The following MCTP1 variants were observed in gnomAD, a reference collection of about 807,000 sequenced individuals.
MCTP1 encodes the protein multiple C2 and transmembrane domain containing 1.
In MCTP1, 69 loss-of-function variants were observed where a neutral mutation model predicts 120.6. The observed-to-expected ratio is 0.57, with a 90% CI of 0.47 to 0.70. The LOEUF (loss-of-function observed/expected upper bound fraction) is 0.70. Among genes scored for constraint, MCTP1 ranks in the 30% least tolerant of loss-of-function variants. The pLI is 0.00. For synonymous variants in MCTP1, 529 were observed against 493.1 expected (o/e 1.07, Z -0.96); for missense variants, 1,203 against 1,248.8 (o/e 0.96, Z 0.55).
chr5:95,215,191 GC>G (rs1752902295), intron 1 of MCTP1, among the ~76,000 whole-genome samples: 1 of 152,044 alleles, frequency 6.6e-6, no homozygotes. Flanking sequence ...CCAAGCAATA[GC>G]TAAACCTCAA....
At chr5:94,993,315 T>C (rs983115152) in intron 2 of MCTP1, among the ~76,000 whole-genome samples, 1 of 151,882 alleles carries the variant, frequency 6.6e-6, no homozygotes, top group Non-Finnish European at 1.5e-5. Flanking sequence ...CTTCAGGTCA[T>C]AATTACGGAG....
At chr5:95,170,169 G>A (rs565759926) in intron 1 of MCTP1, among the ~76,000 whole-genome samples, 1 of 152,188 alleles carries the variant, frequency 6.6e-6, no homozygotes, top group South Asian at 2.1e-4. Flanking sequence ...TCGTTATGTA[G>A]CCAGTAGTCA....
chr5:94,786,962 A>G (rs981286854), intron 18 of MCTP1, among the ~76,000 whole-genome samples: 2 of 152,222 alleles, frequency 1.3e-5, no homozygotes, highest in African/African-American at 4.8e-5. Flanking sequence ...GATTAAGTTG[A>G]CATTTTCATG....
chr5:95,081,242 G>A (rs1370241581), intron 1 of MCTP1, among the ~76,000 whole-genome samples: 1 of 152,066 alleles, frequency 6.6e-6, no homozygotes, highest in African/African-American at 2.4e-5. Context: ...GAATATCAAT[G>A]TATTACACTA....
intron 17 of MCTP1, among the ~76,000 whole-genome samples, chr5:94,866,926 C>G (rs1175918542): frequency 6.6e-6 from 1 of 151,796 alleles, no homozygotes; most frequent in African/African-American, 2.4e-5. Context: ...CATTTCTGGT[C>G]TTTTCAAATT....
chr5:95,246,834 A>T (rs1361418692), intron 1 of MCTP1, among the ~76,000 whole-genome samples: 2 of 152,150 alleles, frequency 1.3e-5, no homozygotes, highest in Non-Finnish European at 2.9e-5. Context: ...TTCATCAGGG[A>T]TATTGGCCTA....
chr5:95,237,560 G>A (rs1755690432), intron 1 of MCTP1, among the ~76,000 whole-genome samples: 5 of 152,060 alleles, frequency 3.3e-5, no homozygotes, highest in Admixed American at 2.0e-4. Context: ...TAGAAGTTAT[G>A]GCTGCTCTTT....
intron 10 of MCTP1, among the ~76,000 whole-genome samples, chr5:94,908,964 TATCTTATATCAG>T (rs1483760265): frequency 6.6e-6 from 1 of 152,080 alleles, no homozygotes; most frequent in African/African-American, 2.4e-5. Context: ...TTCCTTTATG[TATCTTATATCAG>T]ATGAAATTCC....
chr5:95,048,648 G>GT (rs1226143919), intron 1 of MCTP1, among the ~76,000 whole-genome samples: 3 of 152,206 alleles, frequency 2.0e-5, no homozygotes, highest in African/African-American at 7.2e-5. Context: ...TTGCTGGTCT[G>GT]TAGACTTGAA....
At chr5:94,766,938 C>T (rs1253024344) in intron 19 of MCTP1, among the ~76,000 whole-genome samples, 1 of 152,072 alleles carries the variant, frequency 6.6e-6, no homozygotes. Flanking sequence ...TATGAGGCCA[C>T]CATTACCCAG....
At chr5:94,826,132 A>C (rs1787013938) in intron 17 of MCTP1, 1 of 346,942 alleles carries the variant, frequency 2.9e-6, no homozygotes, top group Non-Finnish European at 5.6e-6. Flanking sequence ...CATGAATCAG[A>C]TCCTCCATGC....
At chr5:94,777,986 A>G (rs1331883471) in intron 19 of MCTP1, among the ~76,000 whole-genome samples, 1 of 151,306 alleles carries the variant, frequency 6.6e-6, no homozygotes, top group African/African-American at 2.4e-5. Context: ...ATTGATTAGG[A>G]AAAAAATCAT....
At chr5:94,964,935 T>G (rs2153564349) in intron 2 of MCTP1, among the ~76,000 whole-genome samples, 1 of 152,288 alleles carries the variant, frequency 6.6e-6, no homozygotes, top group Admixed American at 6.5e-5. Context: ...TTTTAATAAT[T>G]TTGTCTTTGA....
chr5:94,771,711 G>T (rs1774121404), intron 19 of MCTP1, among the ~76,000 whole-genome samples: 1 of 152,148 alleles, frequency 6.6e-6, no homozygotes, highest in South Asian at 2.1e-4. Context: ...CTCAGATCTA[G>T]TGCTTTAAAA....
intron 1 of MCTP1, among the ~76,000 whole-genome samples, chr5:95,034,769 C>T (rs1384116899): frequency 6.6e-6 from 1 of 152,006 alleles, no homozygotes; most frequent in Non-Finnish European, 1.5e-5. Context: ...AAACAGTCAA[C>T]AGAGTAGACA....
At chr5:94,869,562 C>G (rs1044278835) in intron 16 of MCTP1, among the ~76,000 whole-genome samples, 2 of 152,042 alleles carry the variant, frequency 1.3e-5, no homozygotes, top group Non-Finnish European at 2.9e-5. Context: ...AACTCACACA[C>G]TTCCTTTAAA....
intron 19 of MCTP1, among the ~76,000 whole-genome samples, chr5:94,743,773 G>C (rs895482364): frequency 6.6e-6 from 1 of 151,666 alleles, no homozygotes; most frequent in Non-Finnish European, 1.5e-5. Context: ...GAGTAGCTGG[G>C]ACTACAGGCA....
At chr5:94,992,153 G>T (rs904833672) in intron 2 of MCTP1, among the ~76,000 whole-genome samples, 2 of 152,146 alleles carry the variant, frequency 1.3e-5, no homozygotes, top group Non-Finnish European at 2.9e-5. Context: ...AATGCCGCGT[G>T]CCAGAGCCCA....
At chr5:94,772,987 G>C (rs183994340) in intron 19 of MCTP1, among the ~76,000 whole-genome samples, 4 of 152,122 alleles carry the variant, frequency 2.6e-5, no homozygotes, top group African/African-American at 9.7e-5. Flanking sequence ...TATTTCTTGG[G>C]TACCCTCCAG....
Sources: gnomAD v4.1 joint callset for allele counts (sites outside exome capture counted in the v4.1 genomes callset) on GRCh38, gnomAD v4.1.1 for gene constraint, MANE v1.5 for transcripts, NCBI Gene and HGNC (gene_info 2026-07-23, HGNC 2026-07-21) for gene names.